The following ADGRB3 variants were observed in gnomAD, a reference collection of about 807,000 sequenced individuals.
The protein encoded by ADGRB3 is adhesion G protein-coupled receptor B3, also known as brain-specific angiogenesis inhibitor 3.
Under a neutral mutation model 193.4 loss-of-function variants are expected in ADGRB3, and 37 were observed. The observed-to-expected ratio is 0.19, with a 90% CI of 0.15 to 0.25. ADGRB3 has a LOEUF of 0.25. ADGRB3 is among the 10% of genes least tolerant of loss of function. The pLI is 1.00. For missense variants in ADGRB3, 1,637 were observed against 1,852.9 expected, an observed-to-expected ratio of 0.88 and a Z score of 2.14; for synonymous variants, 690 against 644.2, an observed-to-expected ratio of 1.07 and a Z score of -1.08.
chr6:69,341,386 A>G (rs916014885), intron 26 of ADGRB3, among the ~76,000 whole-genome samples: 1 of 152,100 alleles, frequency 6.6e-6, no homozygotes, highest in Non-Finnish European at 1.5e-5. Flanking sequence ...TCTATTTTTC[A>G]TATATTTGTT....
chr6:68,758,434 C>A (rs1229307694), intron 3 of ADGRB3, among the ~76,000 whole-genome samples: 1 of 152,066 alleles, frequency 6.6e-6, no homozygotes, highest in Non-Finnish European at 1.5e-5. Context: ...AGTAAGAAAA[C>A]AATTCTAACA....
chr6:68,827,978 A>C (rs1334085209), intron 3 of ADGRB3, among the ~76,000 whole-genome samples: 1 of 152,122 alleles, frequency 6.6e-6, no homozygotes, highest in African/African-American at 2.4e-5. Flanking sequence ...TTTTGAGTTC[A>C]TCTGATTAGG....
At chr6:69,046,478 T>C (rs949579304) in intron 13 of ADGRB3, among the ~76,000 whole-genome samples, 1 of 152,188 alleles carries the variant, frequency 6.6e-6, no homozygotes, top group Non-Finnish European at 1.5e-5. Context: ...CAGCAAAAAG[T>C]ATATTGTTTT....
At chr6:68,909,922 G>C (rs1376200930) in intron 3 of ADGRB3, among the ~76,000 whole-genome samples, 1 of 152,220 alleles carries the variant, frequency 6.6e-6, no homozygotes, top group Non-Finnish European at 1.5e-5. Context: ...TATATACCCA[G>C]TAATGGGATG....
intron 17 of ADGRB3, among the ~76,000 whole-genome samples, chr6:69,144,804 A>G (rs558135664): frequency 3.4e-4 from 52 of 152,106 alleles, no homozygotes; most frequent in Admixed American, 2.1e-3. Context: ...GTTGAATTCA[A>G]TTTGCTAGTA....
chr6:68,774,025 A>G (rs1460528626), intron 3 of ADGRB3, among the ~76,000 whole-genome samples: 1 of 152,164 alleles, frequency 6.6e-6, no homozygotes, highest in Non-Finnish European at 1.5e-5. Flanking sequence ...CATCTAAATT[A>G]CACACAAACA....
At chr6:69,062,892 C>A (rs751975353) in intron 15 of ADGRB3, 42 bp from the exon 16 acceptor site, 10 of 1,419,608 alleles carry the variant, frequency 7.0e-6, no homozygotes, top group Non-Finnish European at 8.9e-6. Context: ...TTATACTTTT[C>A]AGCACTCATT....
intron 20 of ADGRB3, 32 bp from the exon 21 acceptor site, chr6:69,324,840 G>A (rs1324893842): frequency 2.5e-6 from 4 of 1,611,478 alleles, no homozygotes; most frequent in Admixed American, 3.3e-5. Context: ...CCCAGGTTCA[G>A]TGTGAGTCTT....
chr6:68,654,584 T>TCA (rs1168718353), intron 3 of ADGRB3, among the ~76,000 whole-genome samples: 2 of 151,896 alleles, frequency 1.3e-5, no homozygotes, highest in African/African-American at 4.8e-5. Context: ...ATCTGATCTG[T>TCA]CACACACAAA....
chr6:69,059,291 G>T (rs908319213), intron 15 of ADGRB3, among the ~76,000 whole-genome samples: 2 of 151,782 alleles, frequency 1.3e-5, no homozygotes, highest in African/African-American at 2.4e-5. Context: ...TTCTCTTTTG[G>T]TTATCTTTTA....
intron 17 of ADGRB3, among the ~76,000 whole-genome samples, chr6:69,175,613 G>A (rs1775399473): frequency 6.6e-6 from 1 of 152,054 alleles, no homozygotes; most frequent in Non-Finnish European, 1.5e-5. Context: ...GGATTGCTTC[G>A]AGTATTCAGG....
chr6:69,020,783 T>C (rs1317494553), intron 13 of ADGRB3, among the ~76,000 whole-genome samples: 3 of 152,076 alleles, frequency 2.0e-5, no homozygotes, highest in Admixed American at 1.3e-4. Flanking sequence ...GCTCAGGGAC[T>C]GACTGACACT....
At chr6:68,930,283 C>G (rs896018732) in intron 3 of ADGRB3, among the ~76,000 whole-genome samples, 11 of 151,922 alleles carry the variant, frequency 7.2e-5, no homozygotes, top group African/African-American at 2.2e-4. Flanking sequence ...TACTTCAAAA[C>G]CTTATCAGAA....
At chr6:68,704,015 T>A (rs973634814) in intron 3 of ADGRB3, among the ~76,000 whole-genome samples, 1 of 152,218 alleles carries the variant, frequency 6.6e-6, no homozygotes, top group Non-Finnish European at 1.5e-5. Context: ...AGCATGAAGC[T>A]TACTAGTGAA....
chr6:68,785,847 T>A (rs1045125935), intron 3 of ADGRB3, among the ~76,000 whole-genome samples: 1 of 152,186 alleles, frequency 6.6e-6, no homozygotes, highest in East Asian at 1.9e-4. Flanking sequence ...ATGATCGCCA[T>A]TCTAACTGGT....
At chr6:68,691,972 G>A (rs1261978396) in intron 3 of ADGRB3, among the ~76,000 whole-genome samples, 1 of 151,592 alleles carries the variant, frequency 6.6e-6, no homozygotes, top group Non-Finnish European at 1.5e-5. Context: ...AGTGAAAGAA[G>A]CTTGTTTTTC....
intron 17 of ADGRB3, among the ~76,000 whole-genome samples, chr6:69,191,704 C>T (rs1016603968): frequency 6.6e-6 from 1 of 152,098 alleles, no homozygotes; most frequent in African/African-American, 2.4e-5. Flanking sequence ...TGCTATATGC[C>T]TGTCAGTTTT....
intron 3 of ADGRB3, among the ~76,000 whole-genome samples, chr6:68,701,828 G>A (rs932448038): frequency 3.3e-5 from 5 of 152,074 alleles, no homozygotes; most frequent in Non-Finnish European, 7.4e-5. Context: ...TGGCACAGTC[G>A]TAACACACCA....
At chr6:68,813,107 G>A (rs1767550878) in intron 3 of ADGRB3, among the ~76,000 whole-genome samples, 2 of 152,096 alleles carry the variant, frequency 1.3e-5, no homozygotes, top group Admixed American at 6.6e-5. Flanking sequence ...AATCATGGGG[G>A]CCTGTCTTTC....
Sources: gnomAD v4.1 joint callset for allele counts (sites outside exome capture counted in the v4.1 genomes callset) on GRCh38, gnomAD v4.1.1 for gene constraint, MANE v1.5 for transcripts, NCBI Gene and HGNC (gene_info 2026-07-23, HGNC 2026-07-21) for gene names.